Variants in EDARADD observed in about 807,000 individuals in gnomAD.
EDARADD encodes ectodysplasin-A receptor-associated adapter protein.
EDARADD carries 20 observed loss-of-function variants against 25.6 expected under a neutral mutation model. The ratio of observed to expected loss-of-function variants is 0.78; its 90% CI spans 0.55 to 1.14. The LOEUF (loss-of-function observed/expected upper bound fraction) is 1.14, where lower values mean the gene tolerates loss of function less well. Among genes scored for constraint, EDARADD ranks in the 50% most tolerant of loss-of-function variants. The pLI, the probability that EDARADD is intolerant of heterozygous loss-of-function variation, is 0.00. For missense variants in EDARADD, 225 were observed against 270.1 expected (o/e 0.83, Z 1.17); for synonymous variants, 86 against 94.4 (o/e 0.91, Z 0.52).
chr1:236,464,472 G>A (rs572533869), intron 4 of EDARADD, among the ~76,000 whole-genome samples: 10 of 128,674 alleles, frequency 7.8e-5, no homozygotes, highest in South Asian at 4.9e-4. Flanking sequence ...TCGCTCTGTC[G>A]CTCAGGCTGG....
At chr1:236,455,740 A>T (rs1253616) in intron 4 of EDARADD, among the ~76,000 whole-genome samples, 112,432 of 152,216 alleles carry the variant, frequency 0.74, 42,140 homozygotes, top group African/African-American at 0.87. Context: ...TCTGGACATT[A>T]AAAGAAGGGA....
At chr1:236,433,446 G>C (rs1658160669) in intron 4 of EDARADD, among the ~76,000 whole-genome samples, 1 of 151,594 alleles carries the variant, frequency 6.6e-6, no homozygotes, top group South Asian at 2.1e-4. Context: ...GAGCAGCTGG[G>C]ATCACAGGCA....
Position 236,428,595 on chromosome 1 carries a change from C to T in EDARADD, c.219+1145C>T, listed in dbSNP as rs1282662079. 1.9e-3 allele frequency among the ~76,000 whole-genome samples: 279 copies of T among 144,046 alleles called. 2 individuals are homozygous for T. The highest frequency in any genetic ancestry group is 3.3e-3 in the Non-Finnish European group (210 of 64,402). The allele number at this position is 144,046 out of a possible 152,430, so 94.5% of individuals were successfully genotyped here. A position where few individuals can be genotyped will look rare whatever the true frequency, so the allele number is the denominator to read the frequency against. On this transcript the variant is annotated intron_variant, in intron 4 of 5. Transcript: ENST00000334232. ...CCCAGACTGGGCTGCCGGGCAGAGG[C>T]GCTCCCCACATCCCAGACATGGGCG...
chr1:236,380,353 T>C (rs1667284139), intron 3 of EDARADD, among the ~76,000 whole-genome samples: 1 of 152,096 alleles, frequency 6.6e-6, no homozygotes, highest in African/African-American at 2.4e-5. Flanking sequence ...CAAGTGTAAA[T>C]TAATATTACT....
intron 4 of EDARADD, among the ~76,000 whole-genome samples, chr1:236,429,215 A>G (rs1658028002): frequency 1.5e-5 from 2 of 129,108 alleles, no homozygotes; most frequent in East Asian, 2.1e-4. Context: ...CGGGAGAGGG[A>G]GAGATTTTTT....
At position 236,385,031 on chromosome 1, in the gene EDARADD, ATAATT is replaced by A. The variant is rs550964152; in HGVS notation, c.-5-24181_-5-24177del. 6.0e-5 allele frequency among the ~76,000 whole-genome samples: 9 copies of A among 149,980 alleles called. No homozygotes were observed. In the East Asian group the frequency reaches 1.6e-3, roughly 26 times the overall value. On this transcript the variant is annotated intron_variant, in intron 3 of 7. Coordinates refer to the EDARADD transcript ENST00000439430. ...TAGAACTTCTCTTGTCTTGCTGCAG[ATAATT>A]TAAATTTGTATCTGGTTGGGTTTAT...
At position 236,484,370 on chromosome 1, in the gene EDARADD, G is replaced by A; in HGVS notation, c.*1721G>A. 2 of 1,573,962 alleles carry A rather than the reference G, an allele frequency of 1.3e-6. No individual in the cohort carries two copies. Among genetic ancestry groups the A allele is most frequent in the Middle Eastern group, 1.7e-4 (1 of 5,784 alleles). ...AGACTGGTGCCCCTTGCTGATCTGA[G>A]CGCTTGGCCAAGTACAACCAGCTCC... On this transcript the variant is annotated 3_prime_UTR_variant, in exon 6 of 6. Transcript: ENST00000334232. This position sits in a 1 kb window ranked among gnomAD's most constrained non-coding sequence, Gnocchi z 4.1.
intron 4 of EDARADD, among the ~76,000 whole-genome samples, chr1:236,428,227 G>T (rs2996457): frequency 1.3e-5 from 2 of 151,810 alleles, no homozygotes; most frequent in Non-Finnish European, 2.9e-5. Context: ...ATCTTGCACC[G>T]CCCTTAATCC....
chr1:236,375,730 T>C (rs1174899050), intron 3 of EDARADD, among the ~76,000 whole-genome samples: 1 of 148,472 alleles, frequency 6.7e-6, no homozygotes, highest in Non-Finnish European at 1.5e-5. Flanking sequence ...CTACAAAAAA[T>C]TTAAAAATTA....
chr1:236,363,006 A>AAAAAAAAAAAAATATATATATATATAT (rs1377112051), intron 3 of EDARADD, among the ~76,000 whole-genome samples: 1 of 42,950 alleles, frequency 2.3e-5, no homozygotes, highest in African/African-American at 1.1e-4. Flanking sequence ...AAAAAAAAAA[A>AAAAAAAAAAAAATATATATATATATAT]ATATATATAT....
intron 3 of EDARADD, among the ~76,000 whole-genome samples, chr1:236,374,504 A>G (rs1229549631): frequency 2.0e-5 from 3 of 152,008 alleles, no homozygotes; most frequent in Non-Finnish European, 4.4e-5. Context: ...CCTGGGCTCG[A>G]GCTATTTCCA....
At chr1:236,442,715 C>A (rs1159287433) in intron 4 of EDARADD, among the ~76,000 whole-genome samples, 2 of 152,164 alleles carry the variant, frequency 1.3e-5, no homozygotes, top group African/African-American at 4.8e-5. Context: ...CTGTTAAGAC[C>A]TAGTGCTCAA....
chr1:236,404,076 C>T (rs1340936360), intron 1 of EDARADD, among the ~76,000 whole-genome samples: 1 of 152,148 alleles, frequency 6.6e-6, no homozygotes, highest in African/African-American at 2.4e-5. Flanking sequence ...CCGGCCCTGG[C>T]GAAACCACTG....
Position 236,394,359 on chromosome 1 carries a change from C to A in EDARADD, c.-86C>A. The A allele has an allele frequency of 6.9e-7, 1 of 1,451,968 alleles. No individual in the cohort carries two copies. The highest frequency in any genetic ancestry group is 9.7e-7 in the Non-Finnish European group (1 of 1,033,816). 89.9% of individuals were successfully genotyped at this position (1,451,968 alleles called of 1,614,324 possible). On this transcript the variant is annotated 5_prime_UTR_variant, in exon 1 of 6. Transcript: ENST00000334232. ...TTCATCTAGAAGGTTTGACTCTGGC[C>A]AGACAACCAGCGAGCATCTTCTCGC...
chr1:236,441,005 G>A (rs1056174650), intron 4 of EDARADD, among the ~76,000 whole-genome samples: 3 of 152,032 alleles, frequency 2.0e-5, no homozygotes, highest in African/African-American at 7.2e-5. Flanking sequence ...AGAGAGGAAG[G>A]CATATCAAAA....
chr1:236,401,814 CAG>C (rs1667616252), intron 1 of EDARADD, among the ~76,000 whole-genome samples: 1 of 152,148 alleles, frequency 6.6e-6, no homozygotes. Context: ...TCTTCGGAAA[CAG>C]AGTCTTTCCA....
rs138174612 is a variant in EDARADD at position 236,404,704 on chromosome 1, G to A, written c.62-4512G>A. 4.6e-3 allele frequency among the ~76,000 whole-genome samples: 705 copies of A among 152,344 alleles called. 6 individuals carry two copies. The highest frequency in any genetic ancestry group is 0.016 in the African/African-American group (676 of 41,590). ...TGTGGTCCCAGCTACTTGGGAGGCT[G>A]AGGTGGGAGGATCGCTTGTGCTTGG... On this transcript the variant is annotated intron_variant, in intron 1 of 5. Transcript: ENST00000334232.
chr1:236,433,819 G>A (rs190061168), intron 4 of EDARADD, among the ~76,000 whole-genome samples: 23 of 150,844 alleles, frequency 1.5e-4, no homozygotes, highest in African/African-American at 5.4e-4. Flanking sequence ...GTGGTAAGCC[G>A]ATATCGCACC....
intron 2 of EDARADD, 51 bp downstream of exon 2, chr1:236,409,325 TC>T: frequency 6.9e-7 from 1 of 1,452,812 alleles, no homozygotes; most frequent in Admixed American, 1.7e-5. Context: ...TTGCTTTTTT[TC>T]TTTGTTATTT....
Sources: allele counts gnomAD v4.1 joint callset (sites outside exome capture counted in the v4.1 genomes callset), GRCh38; gene constraint gnomAD v4.1.1; non-coding constraint Gnocchi (gnomAD v3.1); transcripts MANE v1.5; gene names NCBI Gene and HGNC (gene_info 2026-07-23, HGNC 2026-07-21).